KANSL1: variants seen among roughly 807,000 people sequenced by gnomAD.
KANSL1 encodes MLL1/MLL complex subunit KANSL1.
In KANSL1, 22 loss-of-function variants were observed where a neutral mutation model predicts 103.6. The observed-to-expected ratio is 0.21, with a 90% CI of 0.15 to 0.30. KANSL1 has a LOEUF of 0.30. Ranked by LOEUF, KANSL1 falls within the 10% of genes least tolerant of loss-of-function variation. The probability of loss-of-function intolerance (pLI) is 1.00; values close to 1 mark genes in which losing one functional copy is unlikely to be tolerated. For synonymous variants in KANSL1, 600 were observed against 527.6 expected (o/e 1.14, Z -1.88); for missense variants, 1,337 against 1,399.8 (o/e 0.96, Z 0.72).
intron 1 of KANSL1, among the ~76,000 whole-genome samples, chr17:46,176,422 G>A (rs1567770702): frequency 6.6e-6 from 1 of 152,166 alleles, no homozygotes; most frequent in African/African-American, 2.4e-5. Context: ...TGGGCACAGT[G>A]GCTCACGCCT....
intron 2 of KANSL1, among the ~76,000 whole-genome samples, chr17:46,124,772 G>C (rs973840628): frequency 2.6e-5 from 4 of 151,958 alleles, no homozygotes; most frequent in African/African-American, 9.7e-5. Context: ...AGTAACTGCA[G>C]ATGTGAAAAA....
intron 4 of KANSL1, among the ~76,000 whole-genome samples, chr17:46,074,078 C>T (rs572887216): frequency 3.9e-5 from 6 of 152,096 alleles, no homozygotes; most frequent in East Asian, 1.9e-4. Flanking sequence ...GTGACACTTA[C>T]GAAGTAACAA....
chr17:46,192,563 C>G (rs892239276), intron 1 of KANSL1: 1 of 152,860 alleles, frequency 6.5e-6, no homozygotes, highest in African/African-American at 2.4e-5. Flanking sequence ...AAATAGAACG[C>G]CAAAGGAAAA....
intron 2 of KANSL1, among the ~76,000 whole-genome samples, chr17:46,145,108 C>T (rs993834112): frequency 4.6e-5 from 7 of 152,346 alleles, no homozygotes; most frequent in Non-Finnish European, 8.8e-5. Context: ...GTTCTATCAT[C>T]TCATCCAAAA....
At chr17:46,064,072 C>CCA (rs2078283779) in intron 6 of KANSL1, among the ~76,000 whole-genome samples, 1 of 125,636 alleles carries the variant, frequency 8.0e-6, no homozygotes, top group Non-Finnish European at 1.6e-5. Context: ...AAAAAAAAAA[C>CCA]AAAAAAAAAC....
chr17:46,031,545 A>AC lies in KANSL1; in HGVS notation c.3248_3249insG (p.Pro1084SerfsTer34). The AC allele has an allele frequency of 6.2e-7, 1 of 1,614,008 alleles. No individual in the cohort carries two copies. The highest frequency in any genetic ancestry group is 8.5e-7 in the Non-Finnish European group (1 of 1,180,004). ...GCCGACTCTTGAGGGGGACAATGGG[A>AC]GGCGAGGTGGGCGCTGCCTCTGTCT... On this transcript the variant is annotated frameshift_variant, in exon 15 of 15. Coordinates refer to ENST00000432791, the MANE Select transcript of KANSL1 (RefSeq NM_015443.4). LOFTEE classifies it high-confidence loss of function.
chr17:46,110,778 G>T (rs2042768630), intron 2 of KANSL1, among the ~76,000 whole-genome samples: 1 of 152,100 alleles, frequency 6.6e-6, no homozygotes, highest in African/African-American at 2.4e-5. Context: ...GCTGAGTTCT[G>T]AAAGGAGAGA....
chr17:46,105,933 ACACACACACACACAC>A (rs1177773685), intron 2 of KANSL1, among the ~76,000 whole-genome samples: 11 of 101,972 alleles, frequency 1.1e-4, no homozygotes, highest in South Asian at 6.1e-4. Flanking sequence ...ACACACACAC[ACACACACACACACAC>A]CCCCCCAGAA....
intron 5 of KANSL1, 122 bp from the exon 6 acceptor site, chr17:46,066,854 G>T: frequency 1.4e-6 from 1 of 692,586 alleles, no homozygotes; most frequent in Non-Finnish European, 2.4e-6. Flanking sequence ...CTAATGTTCA[G>T]ACACAAAGAA....
chr17:46,172,445 T>G (rs1051137100), intron 1 of KANSL1, among the ~76,000 whole-genome samples: 1 of 152,132 alleles, frequency 6.6e-6, no homozygotes, highest in Non-Finnish European at 1.5e-5. Flanking sequence ...GAAGGAAGAA[T>G]TGCACCCTTC....
chr17:46,173,779 T>C (rs1360566276), intron 1 of KANSL1, among the ~76,000 whole-genome samples: 1 of 152,248 alleles, frequency 6.6e-6, no homozygotes, highest in African/African-American at 2.4e-5. Context: ...CCACTTAAGA[T>C]GTCCTTGATG....
chr17:46,095,061 A>T (rs1253105115), intron 2 of KANSL1, among the ~76,000 whole-genome samples: 1 of 152,256 alleles, frequency 6.6e-6, no homozygotes, highest in East Asian at 1.9e-4. Flanking sequence ...AGAATTATTA[A>T]AACTAATAAA....
At chr17:46,100,466 C>T (rs1381516928) in intron 2 of KANSL1, among the ~76,000 whole-genome samples, 2 of 139,614 alleles carry the variant, frequency 1.4e-5, no homozygotes, top group Non-Finnish European at 1.6e-5. Context: ...AAAAAAGCGC[C>T]CTCTATAAAC....
intron 1 of KANSL1, among the ~76,000 whole-genome samples, chr17:46,187,992 T>C (rs1054221441): frequency 5.9e-5 from 9 of 152,246 alleles, no homozygotes; most frequent in African/African-American, 1.4e-4. Context: ...GCAGCTCTTT[T>C]TGGAGTCCAA....
chr17:46,130,984 C>G (rs560692208), intron 2 of KANSL1, among the ~76,000 whole-genome samples: 9 of 152,324 alleles, frequency 5.9e-5, no homozygotes, highest in African/African-American at 2.2e-4. Flanking sequence ...TGTTCCCATT[C>G]TCCCAGCACA....
intron 1 of KANSL1, chr17:46,192,617 A>T (rs1484756014): frequency 6.5e-6 from 1 of 152,832 alleles, no homozygotes; most frequent in Non-Finnish European, 1.5e-5. Flanking sequence ...GCCCCCGCAC[A>T]CCCCCGCCCT....
At chr17:46,039,997 C>T in intron 7 of KANSL1, 113 bp from the exon 8 acceptor site, 1 of 855,740 alleles carries the variant, frequency 1.2e-6, no homozygotes, top group South Asian at 1.6e-5. Flanking sequence ...CTTGGCAGGG[C>T]AAGTGCTGTC....
chr17:46,186,638 C>T (rs925555792), intron 1 of KANSL1, among the ~76,000 whole-genome samples: 9 of 152,246 alleles, frequency 5.9e-5, no homozygotes, highest in Non-Finnish European at 1.3e-4. Flanking sequence ...TGGAGACATG[C>T]TTAAGGTCTT....
chr17:46,210,499 A>T lies in KANSL1; in HGVS notation c.-90+13172T>A, dbSNP rs75126819. The stretch of plus-strand genomic sequence containing the variant: ...AAAAAAAAAAAAAAAAAAAAAAAAA[A>T]AAAGACCTGAGTGGCCACAGGATGA... On this transcript the variant is annotated intron_variant, in intron 1 of 14. Transcript: ENST00000572904. Among the ~76,000 whole-genome samples the T allele has an allele frequency of 2.0e-3, 159 of 79,032 alleles. 1 individual carries two copies. Among genetic ancestry groups the T allele is most frequent in the Non-Finnish European group, 2.2e-3 (96 of 44,160 alleles). The allele number at this position is 79,032 out of a possible 152,430, so 51.8% of individuals were successfully genotyped here. A position where few individuals can be genotyped will look rare whatever the true frequency, so the allele number is the denominator to read the frequency against.
Sources: allele counts gnomAD v4.1 joint callset (sites outside exome capture counted in the v4.1 genomes callset), GRCh38; gene constraint gnomAD v4.1.1; transcripts MANE v1.5; gene names NCBI Gene and HGNC (gene_info 2026-07-23, HGNC 2026-07-21).